The following CCSER1 variants were observed in gnomAD, a reference collection of about 807,000 sequenced individuals.
CCSER1 encodes serine-rich coiled-coil domain-containing protein 1.
Under a neutral mutation model 82.0 loss-of-function variants are expected in CCSER1, and 41 were observed. The ratio of observed to expected loss-of-function variants is 0.50; its 90% confidence interval spans 0.39 to 0.65. CCSER1 has a LOEUF of 0.65. Ranked by LOEUF, CCSER1 falls within the 30% of genes least tolerant of loss-of-function variation. The pLI is 0.00. For missense variants in CCSER1, 1,119 were observed against 1,064.2 expected (o/e 1.05, Z -0.72); for synonymous variants, 414 against 383.9 (o/e 1.08, Z -0.92).
chr4:90,666,506 C>A (rs542855362), intron 6 of CCSER1, among the ~76,000 whole-genome samples: 3 of 152,240 alleles, frequency 2.0e-5, no homozygotes, highest in Non-Finnish European at 2.9e-5. Flanking sequence ...AATGACATAT[C>A]TCTAGCAATA....
intron 7 of CCSER1, among the ~76,000 whole-genome samples, chr4:90,799,375 C>A (rs182296546): frequency 3.3e-5 from 5 of 152,106 alleles, no homozygotes; most frequent in Admixed American, 3.3e-4. Flanking sequence ...GTGAGGTAAG[C>A]AAAGAAAAAT....
chr4:91,496,682 A>AAT (rs761292826), intron 10 of CCSER1, among the ~76,000 whole-genome samples: 659 of 17,120 alleles, frequency 0.038, 180 homozygotes, highest in Non-Finnish European at 0.086. Flanking sequence ...AATATATTTG[A>AAT]ATATATATAT....
At chr4:91,340,093 G>C (rs891273264) in intron 10 of CCSER1, among the ~76,000 whole-genome samples, 1 of 151,896 alleles carries the variant, frequency 6.6e-6, no homozygotes, top group Non-Finnish European at 1.5e-5. Context: ...CTCCAGCCTG[G>C]GCTACAGAGA....
intron 3 of CCSER1, among the ~76,000 whole-genome samples, chr4:90,387,234 A>T (rs1442872798): frequency 2.0e-5 from 3 of 152,150 alleles, no homozygotes; most frequent in African/African-American, 7.2e-5. Flanking sequence ...ATAAGCAATG[A>T]TTAAAAAAAA....
At chr4:90,335,133 T>G (rs932238088) in intron 3 of CCSER1, among the ~76,000 whole-genome samples, 12 of 152,168 alleles carry the variant, frequency 7.9e-5, no homozygotes, top group Admixed American at 6.6e-4. Flanking sequence ...AGGCATTATT[T>G]TTTCTAAAAG....
chr4:90,795,826 T>C (rs2149679697), intron 7 of CCSER1, among the ~76,000 whole-genome samples: 1 of 151,598 alleles, frequency 6.6e-6, no homozygotes, highest in East Asian at 1.9e-4. Context: ...GAACCAACCT[T>C]ACATCTCATG....
Position 91,443,191 on chromosome 4 carries a change from C to G in CCSER1, c.2218-155381C>G, listed in dbSNP as rs575304278. On this transcript the variant is annotated intron_variant, in intron 10 of 10. Transcript: ENST00000509176. ...ATGCACACATATGTTTATTGCGGCA[C>G]TATTCATAATAGCAAAGACTTGGAA... Among the ~76,000 whole-genome samples, 222 of 152,142 alleles carry G rather than the reference C, an allele frequency of 1.5e-3. 1 individual carries two copies. The highest frequency in any genetic ancestry group is 0.014 in the Admixed American group (215 of 15,268).
intron 10 of CCSER1, among the ~76,000 whole-genome samples, chr4:91,442,854 CAA>C (rs1755279483): frequency 1.3e-5 from 2 of 151,968 alleles, no homozygotes; most frequent in Non-Finnish European, 2.9e-5. Context: ...TTTATGCAGC[CAA>C]AAAACACATG....
At chr4:91,154,354 TG>T (rs1021016906) in intron 10 of CCSER1, among the ~76,000 whole-genome samples, 1 of 152,042 alleles carries the variant, frequency 6.6e-6, no homozygotes. Context: ...GCTAAGACCG[TG>T]GGAAAAGTGC....
At chr4:91,059,620 CACACACAA>C (rs1581447400) in intron 9 of CCSER1, among the ~76,000 whole-genome samples, 1 of 151,708 alleles carries the variant, frequency 6.6e-6, no homozygotes, top group Non-Finnish European at 1.5e-5. Context: ...AAGGCACACT[CACACACAA>C]ACACACACAC....
At chr4:91,545,686 GTTTATTTTTTTA>G in intron 10 of CCSER1, among the ~76,000 whole-genome samples, 2 of 151,832 alleles carry the variant, frequency 1.3e-5, no homozygotes, top group African/African-American at 4.8e-5. Flanking sequence ...GGCTTCTTTT[GTTTATTTTTTTA>G]GATTTACTCC....
At chr4:90,181,157 G>T (rs1481581498) in intron 1 of CCSER1, among the ~76,000 whole-genome samples, 1 of 152,008 alleles carries the variant, frequency 6.6e-6, no homozygotes, top group Non-Finnish European at 1.5e-5. Context: ...CCAAACCAGT[G>T]GCACACACAA....
chr4:90,747,218 T>C (rs543501847), intron 7 of CCSER1, among the ~76,000 whole-genome samples: 23 of 152,346 alleles, frequency 1.5e-4, no homozygotes, highest in Non-Finnish European at 2.8e-4. Context: ...ATTTCTTTTA[T>C]TAACAAACTT....
intron 10 of CCSER1, among the ~76,000 whole-genome samples, chr4:91,315,992 G>GT (rs1560584947): frequency 1.3e-5 from 2 of 152,048 alleles, no homozygotes; most frequent in East Asian, 1.9e-4. Flanking sequence ...ATAAGGGTGG[G>GT]TTTTTTCCCA....
intron 3 of CCSER1, among the ~76,000 whole-genome samples, chr4:90,386,779 TC>T (rs1239929679): frequency 6.6e-6 from 1 of 152,202 alleles, no homozygotes; most frequent in Non-Finnish European, 1.5e-5. Flanking sequence ...ATTTTGGGAA[TC>T]TTTTTCCTTC....
rs11737890 is a variant in CCSER1, at chr4:91,316,021, G to T, written c.2217+230027G>T. Among the ~76,000 whole-genome samples the T allele has an allele frequency of 4.9e-4, 74 of 152,054 alleles. 1 individual carries two copies. The South Asian group carries it at 7.9e-3, about 16-fold the overall frequency. On this transcript the variant is annotated intron_variant, in intron 10 of 10. Transcript: ENST00000509176. ...TTTCCCATGCTGTTCTCATGATAAT[G>T]AATAAGTCTCATGAGATCTGATGGT... is the stretch of plus-strand genomic sequence containing the variant.
chr4:91,497,694 T>C (rs982529021), intron 10 of CCSER1, among the ~76,000 whole-genome samples: 2 of 151,762 alleles, frequency 1.3e-5, no homozygotes, highest in Non-Finnish European at 3.0e-5. Flanking sequence ...GAAATTAGGA[T>C]AGGATAGGTT....
intron 10 of CCSER1, among the ~76,000 whole-genome samples, chr4:91,499,413 C>T (rs1247647356): frequency 6.6e-6 from 1 of 151,870 alleles, no homozygotes; most frequent in Non-Finnish European, 1.5e-5. Flanking sequence ...GCACAGCCAC[C>T]CCACTGTGGA....
intron 9 of CCSER1, among the ~76,000 whole-genome samples, chr4:90,971,220 G>C (rs1350315778): frequency 6.6e-6 from 1 of 151,906 alleles, no homozygotes; most frequent in Non-Finnish European, 1.5e-5. Flanking sequence ...TGTACAGGAG[G>C]CATGGCTAGG....
Sources: allele counts gnomAD v4.1 joint callset (sites outside exome capture counted in the v4.1 genomes callset), GRCh38; gene constraint gnomAD v4.1.1; transcripts MANE v1.5; gene names NCBI Gene and HGNC (gene_info 2026-07-23, HGNC 2026-07-21).